Variants in SUPT7L observed in about 807,000 individuals in gnomAD.
SUPT7L encodes SPT7 like, STAGA complex subunit gamma, also known as STAGA complex 65 subunit gamma.
Under a neutral mutation model 35.7 loss-of-function variants are expected in SUPT7L, and 15 were observed. That is an observed-to-expected ratio of 0.42 (90% CI 0.28 to 0.65). The LOEUF is 0.65. Among genes scored for constraint, SUPT7L ranks in the 30% least tolerant of loss-of-function variants. The pLI is 0.23. For missense variants in SUPT7L, 434 were observed against 522.2 expected (o/e 0.83, Z 1.65); for synonymous variants, 168 against 186.2 (o/e 0.90, Z 0.79).
chr2:27,652,331 T>C lies in SUPT7L; in HGVS notation c.*1154A>G, dbSNP rs1001679532. 2 of 152,376 alleles carry C rather than the reference T, an allele frequency of 1.3e-5. No individual in the cohort carries two copies. Among genetic ancestry groups the C allele is most frequent in the African/African-American group, 4.8e-5 (2 of 41,460 alleles). 9.4% of individuals were successfully genotyped at this position (152,376 alleles called of 1,614,324 possible). A position where few individuals can be genotyped will look rare whatever the true frequency, so the allele number is the denominator to read the frequency against. On this transcript the variant is annotated 3_prime_UTR_variant, in exon 6 of 6. Coordinates refer to ENST00000337768, the MANE Select transcript of SUPT7L (RefSeq NM_014860.3). The stretch of plus-strand genomic sequence containing the variant: ...AAGGCATTCAATAATGAATTAAAGC[T>C]GTGCCTTATTTTGGTCTGCATTAAA...
Position 27,659,404 on chromosome 2 carries a change from T to C in SUPT7L, c.419+1580A>G, listed in dbSNP as rs1674949927. On this transcript the variant is annotated intron_variant, in intron 3 of 5. Transcript: ENST00000337768. ...TTCTGTAGTATTCTTGCCGAACATA[T>C]TTAATCTGAATCTAATCTTGAGGAA... Among the ~76,000 whole-genome samples the C allele has an allele frequency of 2.6e-5, 4 of 152,282 alleles. No individual in the cohort carries two copies. The South Asian group carries it at 8.3e-4, about 32-fold the overall frequency.
At chr2:27,642,943 T>TTA in the SUPT7L span, among the ~76,000 whole-genome samples, 9,660 of 128,314 alleles carry the variant, frequency 0.075, 579 homozygotes, top group African/African-American at 0.17. Flanking sequence ...AAATGTGGTT[T>TTA]TATATATATA....
Position 27,651,518 on chromosome 2 carries a change from T to A in SUPT7L, c.*1967A>T, listed in dbSNP as rs1480226242. ...AGTGTTTTATTATAAAGTATTAATT[T>A]TAATGTTCTATACTTAGTGGGAACC... is the stretch of plus-strand genomic sequence containing the variant. On this transcript the variant is annotated 3_prime_UTR_variant, in exon 6 of 6. Transcript: ENST00000337768. 2.6e-5 allele frequency: 4 copies of A among 152,314 alleles called. No homozygotes were observed. Among genetic ancestry groups the A allele is most frequent in the African/African-American group, 7.2e-5 (3 of 41,470 alleles). 9.4% of individuals were successfully genotyped at this position (152,314 alleles called of 1,614,324 possible). A position where few individuals can be genotyped will look rare whatever the true frequency, so the allele number is the denominator to read the frequency against.
intron 3 of SUPT7L, 62 bp downstream of exon 3, chr2:27,660,922 C>T (rs1675068807): frequency 1.3e-6 from 2 of 1,535,162 alleles, no homozygotes; most frequent in African/African-American, 2.7e-5. Flanking sequence ...CTATTATAGG[C>T]TTAACAGGGT....
intron 2 of SUPT7L, 113 bp from the exon 3 acceptor site, chr2:27,661,501 A>C: frequency 1.3e-6 from 2 of 1,520,660 alleles, no homozygotes; most frequent in Admixed American, 4.4e-5. Context: ...TGTAGTGAAA[A>C]ATACGAGGTC....
the SUPT7L span, among the ~76,000 whole-genome samples, chr2:27,643,901 G>T: frequency 1.3e-5 from 2 of 152,134 alleles, no homozygotes; most frequent in Non-Finnish European, 2.9e-5. The surrounding 1 kb of genome is among the most constrained non-coding windows in gnomAD (Gnocchi z 4.0). Flanking sequence ...TTTTTAGGCC[G>T]GGCGCAGTGG....
At chr2:27,647,726 T>G, downstream of SUPT7L, 1 of 665,130 alleles carries the variant, frequency 1.5e-6, no homozygotes, top group Non-Finnish European at 2.7e-6. Context: ...GATCCTGCGT[T>G]TATATGTATC....
chr2:27,662,923 G>A (rs914057574), intron 1 of SUPT7L, among the ~76,000 whole-genome samples: 4 of 151,468 alleles, frequency 2.6e-5, no homozygotes, highest in Non-Finnish European at 5.9e-5. Flanking sequence ...GGGACTACAG[G>A]CGCGCACCAT....
At chr2:27,655,235 G>A (rs1163774427) in intron 5 of SUPT7L, 130 bp downstream of exon 5, 4 of 742,380 alleles carry the variant, frequency 5.4e-6, no homozygotes, top group South Asian at 2.0e-5. Flanking sequence ...AACTGTATTC[G>A]TTTTAGGACT....
chr2:27,660,640 G>C (rs1262229891), intron 3 of SUPT7L, among the ~76,000 whole-genome samples: 1 of 152,130 alleles, frequency 6.6e-6, no homozygotes, highest in East Asian at 1.9e-4. Context: ...CCAATTTGAA[G>C]ACAACGAGCT....
chr2:27,650,293 A>G (rs527291304), downstream of SUPT7L: 14 of 663,376 alleles, frequency 2.1e-5, no homozygotes, highest in East Asian at 1.4e-4. Context: ...GGGGGCTCCC[A>G]TAAGGGATAA....
chr2:27,646,179 C>T (rs184651222), downstream of SUPT7L, among the ~76,000 whole-genome samples: 809 of 152,222 alleles, frequency 5.3e-3, 6 homozygotes, highest in Non-Finnish European at 8.9e-3. Context: ...GTAGCTGGGA[C>T]TACAGGCACA....
At chr2:27,656,958 T>C (rs1674833749) in intron 4 of SUPT7L, among the ~76,000 whole-genome samples, 2 of 152,234 alleles carry the variant, frequency 1.3e-5, no homozygotes, top group Admixed American at 6.5e-5. Flanking sequence ...GTTTTGATTG[T>C]TATTTATTGA....
rs967556195 is a variant in SUPT7L at position 27,651,086 on chromosome 2, G to A, written c.*2399C>T. 6.6e-6 allele frequency: 1 copy of A among 152,324 alleles called. No homozygotes were observed. The highest frequency in any genetic ancestry group is 2.4e-5 in the African/African-American group (1 of 41,440). The allele number at this position is 152,324 out of a possible 1,614,324, so 9.4% of individuals were successfully genotyped here. The stretch of plus-strand genomic sequence containing the variant: ...CCTTGGTGATTTTCGCAAAGTCCGT[G>A]GATTTGGGTCAGAGGCACATTTCAT... On this transcript the variant is annotated 3_prime_UTR_variant, in exon 6 of 6. Transcript: ENST00000337768.
downstream of SUPT7L, among the ~76,000 whole-genome samples, chr2:27,647,049 T>C (rs1174765310): frequency 6.7e-6 from 1 of 148,848 alleles, no homozygotes; most frequent in Non-Finnish European, 1.5e-5. Flanking sequence ...ACAAGTATAG[T>C]TGCATAATTG....
chr2:27,656,635 CTCTT>C (rs1292703850), intron 4 of SUPT7L, among the ~76,000 whole-genome samples: 1 of 147,642 alleles, frequency 6.8e-6, no homozygotes, highest in Non-Finnish European at 1.5e-5. Context: ...GGTCTGTGTT[CTCTT>C]TTTTTTTTTT....
intron 4 of SUPT7L, among the ~76,000 whole-genome samples, chr2:27,656,709 A>G (rs1045352994): frequency 3.3e-5 from 5 of 151,638 alleles, no homozygotes; most frequent in Non-Finnish European, 7.4e-5. Context: ...CATGGCTCAC[A>G]GCAGCCTTAA....
chr2:27,657,687 G>T lies in SUPT7L; in HGVS notation c.420-18C>A. On this transcript the variant is annotated intron_variant, in intron 3 of 5. Coordinates refer to ENST00000337768, the MANE Select transcript of SUPT7L (RefSeq NM_014860.3). The surrounding 1 kb of genome is among the most constrained non-coding windows in gnomAD (Gnocchi z 5.2). The stretch of plus-strand genomic sequence containing the variant: ...CTTTCCCACTGAAAGTGGAGATACG[G>T]TGGTGTTATTAATGTTCTTGCAAAG... 1 of 1,601,012 alleles carries T rather than the reference G, an allele frequency of 6.2e-7. No homozygotes were observed. The highest frequency in any genetic ancestry group is 1.1e-5 in the South Asian group (1 of 89,648).
intron 3 of SUPT7L, among the ~76,000 whole-genome samples, chr2:27,659,899 T>C (rs1160188678): frequency 2.0e-5 from 3 of 152,206 alleles, no homozygotes; most frequent in African/African-American, 7.2e-5. Flanking sequence ...GGTATTTGGA[T>C]GTTTGTTGAC....
Sources: gnomAD v4.1 joint callset for allele counts (sites outside exome capture counted in the v4.1 genomes callset) on GRCh38, gnomAD v4.1.1 for gene constraint, Gnocchi (gnomAD v3.1) non-coding constraint, MANE v1.5 for transcripts, NCBI Gene and HGNC (gene_info 2026-07-23, HGNC 2026-07-21) for gene names.